The following DENND5A variants were observed in gnomAD, a reference collection of about 807,000 sequenced individuals.
DENND5A encodes the protein DENN domain-containing protein 5A.
Under a neutral mutation model 140.3 loss-of-function variants are expected in DENND5A, and 64 were observed. The observed-to-expected ratio is 0.46, with a 90% CI of 0.37 to 0.56. DENND5A has a LOEUF of 0.56. DENND5A is among the 20% of genes least tolerant of loss of function. The pLI is 0.00. For missense variants in DENND5A, 1,292 were observed against 1,593.8 expected, an observed-to-expected ratio of 0.81 and a Z score of 3.22; for synonymous variants, 605 against 607.7, an observed-to-expected ratio of 1.00 and a Z score of 0.07.
chr11:9,142,983 T>C (rs1847297835), intron 20 of DENND5A, 138 bp from the exon 21 acceptor site: 1 of 1,111,652 alleles, frequency 9.0e-7, no homozygotes, highest in African/African-American at 1.6e-5. Context: ...CCCTAACACC[T>C]GGCACAGTGC....
intron 1 of DENND5A, among the ~76,000 whole-genome samples, chr11:9,225,173 C>T (rs1015152132): frequency 2.6e-5 from 4 of 152,204 alleles, no homozygotes; most frequent in African/African-American, 7.2e-5. Flanking sequence ...AACTAAATCA[C>T]GCTTTTGCCA....
chr11:9,237,012 A>C (rs890976136), intron 1 of DENND5A, among the ~76,000 whole-genome samples: 5 of 152,206 alleles, frequency 3.3e-5, no homozygotes, highest in Non-Finnish European at 4.4e-5. Flanking sequence ...AAAGATAAAC[A>C]CCACAACAGA....
At chr11:9,231,006 AAAC>A (rs1850746458) in intron 1 of DENND5A, among the ~76,000 whole-genome samples, 2 of 152,150 alleles carry the variant, frequency 1.3e-5, no homozygotes, top group African/African-American at 4.8e-5. Context: ...CAAACAAAAA[AAAC>A]CCAAAAAACT....
chr11:9,161,834 G>A (rs867586221), intron 11 of DENND5A, among the ~76,000 whole-genome samples: 10 of 151,690 alleles, frequency 6.6e-5, no homozygotes, highest in Non-Finnish European at 1.0e-4. Flanking sequence ...TTTAAACATA[G>A]TATAAAACAA....
At chr11:9,183,995 G>A (rs980352555) in intron 5 of DENND5A, among the ~76,000 whole-genome samples, 1 of 151,328 alleles carries the variant, frequency 6.6e-6, no homozygotes, top group African/African-American at 2.4e-5. Context: ...AGGTTGCAGG[G>A]AGCCGAGATC....
At chr11:9,224,815 G>A (rs891429463) in intron 1 of DENND5A, among the ~76,000 whole-genome samples, 10 of 144,126 alleles carry the variant, frequency 6.9e-5, no homozygotes, top group African/African-American at 2.6e-4. Flanking sequence ...CCAAGATCGC[G>A]CCACTGCACT....
chr11:9,167,193 A>C (rs1330749150), intron 10 of DENND5A, among the ~76,000 whole-genome samples: 4 of 152,106 alleles, frequency 2.6e-5, no homozygotes, highest in African/African-American at 7.2e-5. Context: ...TTTTTACCCT[A>C]AACTTCTCCC....
intron 13 of DENND5A, among the ~76,000 whole-genome samples, chr11:9,151,911 A>T (rs1847627245): frequency 6.6e-6 from 1 of 152,226 alleles, no homozygotes; most frequent in Non-Finnish European, 1.5e-5. Flanking sequence ...AGAAACAGAA[A>T]GGAAGTATAA....
chr11:9,202,535 G>A (rs375775966), intron 4 of DENND5A, among the ~76,000 whole-genome samples: 14 of 152,160 alleles, frequency 9.2e-5, no homozygotes, highest in Admixed American at 7.2e-4. Context: ...TACCCCTCGC[G>A]AATCTTCCGT....
chr11:9,187,461 T>C (rs570261164), intron 5 of DENND5A, among the ~76,000 whole-genome samples: 68 of 152,262 alleles, frequency 4.5e-4, no homozygotes, highest in African/African-American at 1.6e-3. Context: ...GTCTCCCAAA[T>C]ATCTTCCGCT....
intron 5 of DENND5A, among the ~76,000 whole-genome samples, chr11:9,190,388 G>T (rs555315988): frequency 6.6e-6 from 1 of 152,076 alleles, no homozygotes; most frequent in Non-Finnish European, 1.5e-5. Flanking sequence ...TACCCAGTAG[G>T]GGGTAGTTGA....
intron 4 of DENND5A, among the ~76,000 whole-genome samples, chr11:9,194,505 G>C (rs1311569523): frequency 1.3e-5 from 2 of 151,524 alleles, no homozygotes; most frequent in Non-Finnish European, 2.9e-5. Flanking sequence ...GGAGGCAGAG[G>C]TTGCAGTGAG....
intron 12 of DENND5A, among the ~76,000 whole-genome samples, chr11:9,157,019 A>G (rs1275890181): frequency 6.6e-6 from 1 of 152,120 alleles, no homozygotes; most frequent in East Asian, 1.9e-4. Context: ...ATACGATACT[A>G]TTTTTCAAAA....
intron 12 of DENND5A, among the ~76,000 whole-genome samples, chr11:9,156,657 C>G (rs1039633613): frequency 2.6e-5 from 4 of 151,432 alleles, no homozygotes; most frequent in Non-Finnish European, 4.4e-5. Flanking sequence ...CAAAAATTAG[C>G]CAGGCATTGT....
intron 10 of DENND5A, among the ~76,000 whole-genome samples, chr11:9,169,200 A>G (rs1848285455): frequency 6.6e-6 from 1 of 152,224 alleles, no homozygotes; most frequent in South Asian, 2.1e-4. Context: ...TAATCCCAGC[A>G]CTTTGCGGGG....
rs764355026 is a variant in DENND5A, at chr11:9,142,687, T to C, written c.3511+35A>G. On this transcript the variant is annotated intron_variant, in intron 21 of 22. Coordinates refer to ENST00000328194, the MANE Select transcript of DENND5A (RefSeq NM_015213.4). ...TGGTGAGTCCCCTTATATCTCTACA[T>C]GCTTCTCCCACCCTCATACTCCAGC... 4 of 1,613,258 alleles carry C rather than the reference T, an allele frequency of 2.5e-6. No homozygotes were observed. In the South Asian group the frequency reaches 4.4e-5, roughly 18 times the overall value.
chr11:9,158,142 A>AT (rs1354280187), intron 12 of DENND5A, among the ~76,000 whole-genome samples: 2 of 152,218 alleles, frequency 1.3e-5, no homozygotes, highest in African/African-American at 4.8e-5. Context: ...TAAAACTGAG[A>AT]TTTTACAATA....
chr11:9,222,272 A>G (rs796327377), intron 1 of DENND5A, among the ~76,000 whole-genome samples: 51 of 144,582 alleles, frequency 3.5e-4, no homozygotes, highest in African/African-American at 1.3e-3. Flanking sequence ...TTTATTTATA[A>G]TATTTCAGCA....
chr11:9,193,432 C>T, intron 5 of DENND5A, 62 bp downstream of exon 5: 1 of 1,371,512 alleles, frequency 7.3e-7, no homozygotes, highest in Non-Finnish European at 9.7e-7. Flanking sequence ...TGGGTTCATC[C>T]CAAAGCCCTT....
Sources: gnomAD v4.1 joint callset for allele counts (sites outside exome capture counted in the v4.1 genomes callset) on GRCh38, gnomAD v4.1.1 for gene constraint, MANE v1.5 for transcripts, NCBI Gene and HGNC (gene_info 2026-07-23, HGNC 2026-07-21) for gene names.